The following ANKHD1 variants were observed in gnomAD, a reference collection of about 807,000 sequenced individuals.
The protein encoded by ANKHD1 is ankyrin repeat and KH domain containing 1, also known as ankyrin repeat and KH domain-containing protein 1.
Under a neutral mutation model 230.5 loss-of-function variants are expected in ANKHD1, and 31 were observed. That is an observed-to-expected ratio of 0.13 (90% CI 0.10 to 0.18). The LOEUF (loss-of-function observed/expected upper bound fraction) is 0.18. Ranked by LOEUF, ANKHD1 falls within the 10% of genes least tolerant of loss-of-function variation. The pLI is 1.00. For missense variants in ANKHD1, 2,256 were observed against 3,071.3 expected (o/e 0.73, Z 6.27); for synonymous variants, 1,074 against 1,117.6 (o/e 0.96, Z 0.78).
rs200616553 is a variant in ANKHD1 at position 140,482,079 on chromosome 5, T to TA, written c.1783-492dup. ...ACTATTCAAGTATTTAATTTCTACT[T>TA]AAAAAAAAACTACCCATTGGTATAT... On this transcript the variant is annotated intron_variant, in intron 10 of 33. Coordinates refer to ENST00000360839, the MANE Select transcript of ANKHD1 (RefSeq NM_017747.3). Among the ~76,000 whole-genome samples the TA allele has an allele frequency of 3.3e-3, 503 of 151,290 alleles. 3 individuals are homozygous for TA. The highest frequency in any genetic ancestry group is 0.011 in the African/African-American group (467 of 41,310).
At chr5:140,439,735 T>C (rs992172255) in intron 3 of ANKHD1, among the ~76,000 whole-genome samples, 1 of 151,832 alleles carries the variant, frequency 6.6e-6, no homozygotes, top group Non-Finnish European at 1.5e-5. Context: ...AAAAAAAAAT[T>C]GCAAAAAAAT....
At chr5:140,532,926 C>T (rs906919495) in intron 29 of ANKHD1, 25 of 298,582 alleles carry the variant, frequency 8.4e-5, no homozygotes, top group Non-Finnish European at 1.3e-5. Context: ...GGGAAACCCC[C>T]GTCTCTACCA....
At chr5:140,438,639 G>T (rs759817827) in intron 3 of ANKHD1, 22 bp downstream of exon 3, 20 of 1,528,900 alleles carry the variant, frequency 1.3e-5, no homozygotes, top group Middle Eastern at 3.5e-4. Context: ...ATGACTTTTG[G>T]ATATTAGACA....
chr5:140,441,941 A>G (rs1773881159), intron 5 of ANKHD1, among the ~76,000 whole-genome samples: 1 of 152,014 alleles, frequency 6.6e-6, no homozygotes, highest in Non-Finnish European at 1.5e-5. Context: ...TATCTTCAAT[A>G]CAATACTCTT....
At chr5:140,423,539 T>C (rs576796591) in intron 1 of ANKHD1, among the ~76,000 whole-genome samples, 2 of 152,340 alleles carry the variant, frequency 1.3e-5, no homozygotes, top group Admixed American at 6.5e-5. Flanking sequence ...CTCCTTATTA[T>C]GTTCTGTAAA....
intron 11 of ANKHD1, among the ~76,000 whole-genome samples, chr5:140,483,170 C>T (rs1245605078): frequency 6.6e-6 from 1 of 152,078 alleles, no homozygotes; most frequent in Non-Finnish European, 1.5e-5. Flanking sequence ...CTGTTTACTG[C>T]AGTAAAATAA....
At chr5:140,517,712 G>GGCA (rs1395736570) in intron 24 of ANKHD1, among the ~76,000 whole-genome samples, 2 of 145,274 alleles carry the variant, frequency 1.4e-5, no homozygotes, top group Non-Finnish European at 3.0e-5. Flanking sequence ...ACGAAATGAA[G>GGCA]GCAGAAATAA....
chr5:140,437,128 AAATAC>A (rs1176672574), intron 2 of ANKHD1, among the ~76,000 whole-genome samples: 1 of 152,220 alleles, frequency 6.6e-6, no homozygotes, highest in Non-Finnish European at 1.5e-5. Context: ...ATAATACACA[AAATAC>A]AATTTTTTTC....
chr5:140,445,243 C>A (rs184675433), intron 5 of ANKHD1, among the ~76,000 whole-genome samples: 1 of 152,112 alleles, frequency 6.6e-6, no homozygotes, highest in Admixed American at 6.5e-5. Context: ...TGTCAGATTA[C>A]GCCTGTAATC....
At chr5:140,402,536 C>T (rs949556100) in intron 1 of ANKHD1, among the ~76,000 whole-genome samples, 2 of 152,184 alleles carry the variant, frequency 1.3e-5, no homozygotes, top group African/African-American at 2.4e-5. Flanking sequence ...AACAGGGACT[C>T]CTCAGGCTGC....
rs1774949891 is a variant in ANKHD1, at chr5:140,453,891, A to G, written c.1242+4586A>G. Among the ~76,000 whole-genome samples the G allele has an allele frequency of 2.6e-5, 4 of 152,242 alleles. No homozygotes were observed. The South Asian group carries it at 8.3e-4, about 32-fold the overall frequency. ...TTAACCTTAAATGTAAATGGGCTAA[A>G]TGCTCCAATTAAAAGACACAGACTG... On this transcript the variant is annotated intron_variant, in intron 7 of 33. Transcript: ENST00000360839.
intron 10 of ANKHD1, among the ~76,000 whole-genome samples, chr5:140,470,611 C>CTTTTT (rs386405120): frequency 5.6e-4 from 40 of 71,778 alleles, no homozygotes; most frequent in Non-Finnish European, 7.4e-4. Context: ...CTTGTTTCTG[C>CTTTTT]TTTTTTTTTT....
chr5:140,426,827 T>G lies in ANKHD1; in HGVS notation c.307-9277T>G, dbSNP rs972195914. On this transcript the variant is annotated intron_variant, in intron 1 of 33. Transcript: ENST00000360839. ...AGCACATGTTTCAGAGAGCATAGGGTTGGGGGCAAGGTCACAGATCAACAG... is the reference window on the plus strand; with the variant it reads ...AGCACATGTTTCAGAGAGCATAGGGGTGGGGGCAAGGTCACAGATCAACAG... Among the ~76,000 whole-genome samples, 47 of 152,188 alleles carry G rather than the reference T, an allele frequency of 3.1e-4. 1 individual carries two copies. Among genetic ancestry groups the G allele is most frequent in the Admixed American group, 3.1e-3 (47 of 15,274 alleles).
intron 14 of ANKHD1, 96 bp downstream of exon 14, chr5:140,487,156 C>T: frequency 8.0e-7 from 1 of 1,247,210 alleles, no homozygotes; most frequent in Non-Finnish European, 1.1e-6. Context: ...ACTGTGTACC[C>T]ATGGCTAATT....
intron 1 of ANKHD1, among the ~76,000 whole-genome samples, chr5:140,424,948 G>C (rs1772284459): frequency 6.6e-6 from 1 of 152,098 alleles, no homozygotes; most frequent in African/African-American, 2.4e-5. Flanking sequence ...AGTTAAGATG[G>C]TTGAATAAAA....
At position 140,522,456 on chromosome 5, in the gene ANKHD1, TTAC is replaced by T. The variant is rs543478043; in HGVS notation, c.4318-1606_4318-1604del. On this transcript the variant is annotated intron_variant, in intron 24 of 33. Coordinates refer to ENST00000360839, the MANE Select transcript of ANKHD1 (RefSeq NM_017747.3). ...AGCAACCTTTTCTTCTCTCTTTAGC[TTAC>T]TACGTTTTTTTAAACTAAAATTTGC... is the stretch of plus-strand genomic sequence containing the variant. Among the ~76,000 whole-genome samples the T allele has an allele frequency of 1.1e-4, 16 of 152,340 alleles. No individual in the cohort carries two copies. The South Asian group carries it at 3.3e-3, about 32-fold the overall frequency.
intron 20 of ANKHD1, 94 bp downstream of exon 20, chr5:140,508,092 C>T: frequency 7.0e-7 from 1 of 1,425,668 alleles, no homozygotes; most frequent in Non-Finnish European, 9.3e-7. Flanking sequence ...TTTAAATTAT[C>T]ATAAATTAAA....
chr5:140,524,937 TA>T (rs199775607), intron 25 of ANKHD1: 26,590 of 280,076 alleles, frequency 0.095, 3 homozygotes, highest in South Asian at 0.17. Flanking sequence ...CGTCTCTACT[TA>T]AAAAAAAAAA....
At chr5:140,503,856 G>A (rs1443233992) in intron 15 of ANKHD1, among the ~76,000 whole-genome samples, 5 of 151,822 alleles carry the variant, frequency 3.3e-5, no homozygotes, top group African/African-American at 7.3e-5. Flanking sequence ...GATTATAGGC[G>A]TGAGCCATCG....
Sources: gnomAD v4.1 joint callset for allele counts (sites outside exome capture counted in the v4.1 genomes callset) on GRCh38, gnomAD v4.1.1 for gene constraint, MANE v1.5 for transcripts, NCBI Gene and HGNC (gene_info 2026-07-23, HGNC 2026-07-21) for gene names.